RASEF: variants seen among roughly 807,000 people sequenced by gnomAD.
The protein encoded by RASEF is ras and EF-hand domain-containing protein.
A neutral mutation model predicts 90.1 loss-of-function variants in RASEF; 68 were observed. The observed-to-expected ratio is 0.75, with a 90% CI of 0.62 to 0.92. The LOEUF (loss-of-function observed/expected upper bound fraction) is 0.92. Among genes scored for constraint, RASEF ranks in the 40% least tolerant of loss-of-function variants. The pLI is 0.00. For synonymous variants in RASEF, 331 were observed against 345.2 expected (o/e 0.96, Z 0.46); for missense variants, 949 against 937.2 (o/e 1.01, Z -0.16).
At chr9:83,135,500 A>C in the RASEF span, among the ~76,000 whole-genome samples, 26 of 152,292 alleles carry the variant, frequency 1.7e-4, no homozygotes, top group African/African-American at 6.3e-4. Flanking sequence ...TAATTTAAAA[A>C]ATAAATAAAT....
chr9:83,060,600 A>G (rs1464727245), intron 1 of RASEF, among the ~76,000 whole-genome samples: 1 of 152,246 alleles, frequency 6.6e-6, no homozygotes, highest in Non-Finnish European at 1.5e-5. Flanking sequence ...CATTATCAAT[A>G]ACAAAAAAGT....
Position 83,039,009 on chromosome 9 carries a change from T to A in RASEF, c.432-13088A>T, listed in dbSNP as rs1201941713. Among the ~76,000 whole-genome samples the A allele has an allele frequency of 2.0e-5, 3 of 152,238 alleles. No individual in the cohort carries two copies. The East Asian group carries it at 5.8e-4, about 29-fold the overall frequency. ...GCATGTTTTCTTGACTGATTTCACA[T>A]CACTGTTCTGGTTTTTTTGTTTTGT... On this transcript the variant is annotated intron_variant, in intron 1 of 16. Transcript: ENST00000376447.
At chr9:83,122,511 G>A in the RASEF span, among the ~76,000 whole-genome samples, 11 of 152,124 alleles carry the variant, frequency 7.2e-5, no homozygotes, top group African/African-American at 2.4e-4. Flanking sequence ...CTCCCTCCAC[G>A]CCTGTGCACT....
At chr9:83,181,146 A>C in the RASEF span, among the ~76,000 whole-genome samples, 1 of 149,736 alleles carries the variant, frequency 6.7e-6, no homozygotes, top group Non-Finnish European at 1.5e-5. Context: ...ACAAGAGAAC[A>C]TCAGGAGGTA....
chr9:83,133,714 T>C, the RASEF span, among the ~76,000 whole-genome samples: 3 of 152,268 alleles, frequency 2.0e-5, no homozygotes, highest in Admixed American at 2.0e-4. Flanking sequence ...GCAATTGTTT[T>C]TAAAAATCAA....
chr9:83,083,911 G>A, the RASEF span, among the ~76,000 whole-genome samples: 1 of 152,014 alleles, frequency 6.6e-6, no homozygotes, highest in South Asian at 2.1e-4. Flanking sequence ...AACAATCAAA[G>A]ATGCAAATAC....
chr9:83,198,710 C>T, the RASEF span, among the ~76,000 whole-genome samples: 1 of 152,138 alleles, frequency 6.6e-6, no homozygotes, highest in Admixed American at 6.5e-5. Flanking sequence ...TCAGCGACCA[C>T]TCCACAGAGC....
At chr9:83,136,622 G>T in the RASEF span, among the ~76,000 whole-genome samples, 3 of 152,036 alleles carry the variant, frequency 2.0e-5, no homozygotes, top group African/African-American at 7.2e-5. Context: ...AATTAACAAT[G>T]ATTTCATTTG....
rs1327684486 is a variant in RASEF at position 82,982,789 on chromosome 9, CAGAGAT to C, written c.2118-13_2118-8del. The C allele has an allele frequency of 1.4e-6, 2 of 1,445,124 alleles. No homozygotes were observed. The highest frequency in any genetic ancestry group is 4.7e-5 in the East Asian group (2 of 42,982). 89.5% of individuals were successfully genotyped at this position (1,445,124 alleles called of 1,614,324 possible). A position where few individuals can be genotyped will look rare whatever the true frequency, so the allele number is the denominator to read the frequency against. ...AGTTCTCTTTTTCACTTCTCTGAGA[CAGAGAT>C]AGAGAGAGACAGAGAGAGAGAGAGA... On this transcript the variant is annotated splice_region_variant and splice_polypyrimidine_tract_variant and intron_variant, in intron 16 of 16. Transcript: ENST00000376447.
At chr9:83,009,071 A>C (rs1829190915) in intron 6 of RASEF, among the ~76,000 whole-genome samples, 1 of 151,000 alleles carries the variant, frequency 6.6e-6, no homozygotes, top group African/African-American at 2.4e-5. Context: ...ATTCTGATTA[A>C]AGTTTGCAAA....
At chr9:83,111,062 C>T in the RASEF span, among the ~76,000 whole-genome samples, 1 of 152,080 alleles carries the variant, frequency 6.6e-6, no homozygotes, top group Non-Finnish European at 1.5e-5. Flanking sequence ...GATAAGAATG[C>T]ACAATGTCAC....
the RASEF span, among the ~76,000 whole-genome samples, chr9:83,124,296 C>A: frequency 6.6e-6 from 1 of 152,110 alleles, no homozygotes; most frequent in Non-Finnish European, 1.5e-5. Context: ...GCCTTCAATT[C>A]TTTGGGGTAT....
intron 9 of RASEF, among the ~76,000 whole-genome samples, chr9:83,004,192 T>C (rs1829088186): frequency 6.6e-6 from 1 of 152,196 alleles, no homozygotes; most frequent in African/African-American, 2.4e-5. Flanking sequence ...TCATATACTA[T>C]AATTCTGCTG....
the RASEF span, among the ~76,000 whole-genome samples, chr9:83,182,870 G>A: frequency 1.3e-5 from 2 of 152,096 alleles, no homozygotes; most frequent in African/African-American, 2.4e-5. Flanking sequence ...CCATACCTTA[G>A]CAATGAAAAG....
At chr9:83,124,844 T>C in the RASEF span, among the ~76,000 whole-genome samples, 2 of 152,166 alleles carry the variant, frequency 1.3e-5, no homozygotes, top group African/African-American at 4.8e-5. Flanking sequence ...CAGAGATCCA[T>C]GCTGAACTCT....
chr9:83,118,957 C>T, the RASEF span, among the ~76,000 whole-genome samples: 18 of 151,754 alleles, frequency 1.2e-4, no homozygotes, highest in East Asian at 3.5e-3. Context: ...ATTATATCAG[C>T]AGTAAAAAAT....
the RASEF span, among the ~76,000 whole-genome samples, chr9:83,100,536 A>C: frequency 1.3e-5 from 2 of 152,226 alleles, no homozygotes; most frequent in Admixed American, 1.3e-4. Flanking sequence ...GTTTATGAAA[A>C]TCAGCCCATC....
chr9:83,047,282 G>A (rs1377870802), intron 1 of RASEF, among the ~76,000 whole-genome samples: 2 of 151,862 alleles, frequency 1.3e-5, no homozygotes, highest in African/African-American at 4.8e-5. Flanking sequence ...AACAAAAAAA[G>A]AAAAAACGAA....
At chr9:83,170,441 A>AT in the RASEF span, among the ~76,000 whole-genome samples, 1 of 151,732 alleles carries the variant, frequency 6.6e-6, no homozygotes, top group East Asian at 1.9e-4. Flanking sequence ...CAGATTTAAA[A>AT]ATATATATAT....
Sources: gnomAD v4.1 joint callset for allele counts (sites outside exome capture counted in the v4.1 genomes callset) on GRCh38, gnomAD v4.1.1 for gene constraint, MANE v1.5 for transcripts, NCBI Gene and HGNC (gene_info 2026-07-23, HGNC 2026-07-21) for gene names.